NUCB2: variants seen among roughly 807,000 people sequenced by gnomAD.
The protein encoded by NUCB2 is nucleobindin-2.
In NUCB2, 48 loss-of-function variants were observed where a neutral mutation model predicts 57.9. That is an observed-to-expected ratio of 0.83 (90% CI 0.66 to 1.05). The LOEUF is 1.05. NUCB2 is among the 50% of genes least tolerant of loss of function. The pLI, the probability that NUCB2 is intolerant of heterozygous loss-of-function variation, is 0.00. For missense variants in NUCB2, 442 were observed against 476.2 expected, an observed-to-expected ratio of 0.93 and a Z score of 0.67; for synonymous variants, 139 against 152.1, an observed-to-expected ratio of 0.91 and a Z score of 0.64.
At chr11:17,344,919 G>A (rs1952595172) in intron 2 of NUCB2, among the ~76,000 whole-genome samples, 1 of 152,178 alleles carries the variant, frequency 6.6e-6, no homozygotes, top group African/African-American at 2.4e-5. Flanking sequence ...GGCTGAAGGT[G>A]GAAGATGGAT....
intron 2 of NUCB2, among the ~76,000 whole-genome samples, chr11:17,288,540 CTTCTTCTTCTTCT>C (rs1450167672): frequency 8.9e-5 from 10 of 112,626 alleles, no homozygotes; most frequent in Non-Finnish European, 1.7e-4. Context: ...TTTTCTTCTT[CTTCTTCTTCTTCT>C]TTTTTTTTTT....
intron 2 of NUCB2, among the ~76,000 whole-genome samples, chr11:17,285,743 C>CAAAAAAAAAAA (rs1159389193): frequency 2.8e-5 from 1 of 36,080 alleles, no homozygotes; most frequent in African/African-American, 1.0e-4. Flanking sequence ...GACTCCGTCT[C>CAAAAAAAAAAA]AAAAAAAAAA....
At chr11:17,307,758 T>C (rs1341575451) in intron 5 of NUCB2, among the ~76,000 whole-genome samples, 1 of 152,168 alleles carries the variant, frequency 6.6e-6, no homozygotes, top group Admixed American at 6.5e-5. Flanking sequence ...CCCTGTAAGA[T>C]TATCTTTAGG....
At chr11:17,343,793 C>G (rs907583590) in intron 2 of NUCB2, among the ~76,000 whole-genome samples, 4 of 152,090 alleles carry the variant, frequency 2.6e-5, no homozygotes, top group Non-Finnish European at 5.9e-5. Flanking sequence ...TGTAGTGATT[C>G]TTTCTTGTTC....
chr11:17,345,515 T>C (rs1182308248), intron 2 of NUCB2, among the ~76,000 whole-genome samples: 2 of 152,180 alleles, frequency 1.3e-5, no homozygotes, highest in East Asian at 1.9e-4. Flanking sequence ...AAGACCAGCC[T>C]GGCCAAGATG....
chr11:17,280,628 C>G (rs1216565197), intron 1 of NUCB2, among the ~76,000 whole-genome samples: 1 of 152,182 alleles, frequency 6.6e-6, no homozygotes, highest in Non-Finnish European at 1.5e-5. Flanking sequence ...TGCTACAGTT[C>G]TGATTTAAGG....
At chr11:17,315,066 G>T (rs1949045170) in intron 10 of NUCB2, among the ~76,000 whole-genome samples, 1 of 152,068 alleles carries the variant, frequency 6.6e-6, no homozygotes, top group African/African-American at 2.4e-5. Context: ...TACATATTAT[G>T]GTAAAGGAGG....
chr11:17,313,011 G>A (rs1459712730), intron 10 of NUCB2, among the ~76,000 whole-genome samples: 1 of 138,722 alleles, frequency 7.2e-6, no homozygotes, highest in African/African-American at 2.5e-5. Context: ...GCACCAGGCC[G>A]ATTTTTATTT....
intron 2 of NUCB2, among the ~76,000 whole-genome samples, chr11:17,286,368 G>T (rs1249495931): frequency 6.6e-6 from 1 of 152,174 alleles, no homozygotes; most frequent in African/African-American, 2.4e-5. Context: ...TGAGACAGGG[G>T]AAGAGAGATT....
chr11:17,285,805 G>A (rs886222583), intron 2 of NUCB2, among the ~76,000 whole-genome samples: 4 of 145,316 alleles, frequency 2.8e-5, no homozygotes, highest in African/African-American at 1.0e-4. Flanking sequence ...TCCAAGGAAA[G>A]AGAAAATTTT....
chr11:17,330,440 AC>A lies in NUCB2; in HGVS notation c.1173+144del, dbSNP rs1951254202. 6.3e-6 allele frequency: 3 copies of A among 476,756 alleles called. No homozygotes were observed. Among genetic ancestry groups the A allele is most frequent in the Non-Finnish European group, 1.1e-5 (3 of 274,622 alleles). 29.5% of individuals were successfully genotyped at this position (476,756 alleles called of 1,614,324 possible). A position where few individuals can be genotyped will look rare whatever the true frequency, so the allele number is the denominator to read the frequency against. On this transcript the variant is annotated intron_variant, in intron 12 of 13. Transcript: ENST00000529010. The surrounding 1 kb of genome is among the most constrained non-coding windows in gnomAD (Gnocchi z 4.3). ...GTATTTTAAATTTTAATACTTTAAA[AC>A]TGTTTTGTGGAATATTAATCTAAAT...
intron 2 of NUCB2, among the ~76,000 whole-genome samples, chr11:17,288,419 C>T (rs1271973805): frequency 6.6e-6 from 1 of 152,098 alleles, no homozygotes; most frequent in Non-Finnish European, 1.5e-5. Context: ...CCTAGAACTC[C>T]TGGGTTCAAG....
intron 2 of NUCB2, among the ~76,000 whole-genome samples, chr11:17,288,954 TATATATATA>T (rs1260286786): frequency 0.013 from 670 of 52,434 alleles, 116 homozygotes; most frequent in African/African-American, 0.064. Flanking sequence ...CACACACATA[TATATATATA>T]TTTTTTTTTT....
At chr11:17,300,508 T>C (rs1481117534) in intron 4 of NUCB2, among the ~76,000 whole-genome samples, 2 of 152,204 alleles carry the variant, frequency 1.3e-5, no homozygotes, top group African/African-American at 4.8e-5. Context: ...ATTGCATATA[T>C]GTGGACTCAT....
At chr11:17,344,062 T>G (rs2139652583) in intron 2 of NUCB2, among the ~76,000 whole-genome samples, 1 of 152,272 alleles carries the variant, frequency 6.6e-6, no homozygotes, top group Non-Finnish European at 1.5e-5. Flanking sequence ...AGAGAGTTCT[T>G]GTATCTCTGC....
exon 3 of NUCB2, chr11:17,349,913 T>C (rs1481779569): frequency 6.6e-6 from 1 of 152,232 alleles, no homozygotes; most frequent in Non-Finnish European, 1.5e-5. Flanking sequence ...TCAACCAGCA[T>C]TTGAATACCG....
intron 2 of NUCB2, among the ~76,000 whole-genome samples, chr11:17,342,884 CGTT>C (rs1156570285): frequency 6.6e-6 from 1 of 152,022 alleles, no homozygotes; most frequent in African/African-American, 2.4e-5. Context: ...CTTTCTGTCT[CGTT>C]GATCTGTCTA....
At chr11:17,294,785 C>T (rs541751972) in intron 2 of NUCB2, among the ~76,000 whole-genome samples, 8 of 151,946 alleles carry the variant, frequency 5.3e-5, no homozygotes, top group East Asian at 1.9e-4. Context: ...CAGTGGCTCA[C>T]GCCTGTAATC....
chr11:17,284,764 A>C (rs1943333303), intron 2 of NUCB2, among the ~76,000 whole-genome samples: 1 of 152,198 alleles, frequency 6.6e-6, no homozygotes, highest in Non-Finnish European at 1.5e-5. Context: ...TGTTTGGTGA[A>C]TACCATTTTC....
Sources: gnomAD v4.1 joint callset for allele counts (sites outside exome capture counted in the v4.1 genomes callset) on GRCh38, gnomAD v4.1.1 for gene constraint, Gnocchi (gnomAD v3.1) non-coding constraint, MANE v1.5 for transcripts, NCBI Gene and HGNC (gene_info 2026-07-23, HGNC 2026-07-21) for gene names.